MCCC1: variants seen among roughly 807,000 people sequenced by gnomAD.
MCCC1 encodes the protein methylcrotonyl-CoA carboxylase subunit 1.
In MCCC1, 64 loss-of-function variants were observed where a neutral mutation model predicts 83.8. The ratio of observed to expected loss-of-function variants is 0.76; its 90% CI spans 0.62 to 0.94. The LOEUF is 0.94. MCCC1 is among the 40% of genes least tolerant of loss of function. The pLI, the probability that MCCC1 is intolerant of heterozygous loss-of-function variation, is 0.00. For synonymous variants in MCCC1, 322 were observed against 315.4 expected (o/e 1.02, Z -0.22); for missense variants, 807 against 904.7 (o/e 0.89, Z 1.39).
intron 9 of MCCC1, among the ~76,000 whole-genome samples, chr3:183,051,539 C>A (rs1714977372): frequency 6.6e-6 from 1 of 152,024 alleles, no homozygotes; most frequent in Non-Finnish European, 1.5e-5. Flanking sequence ...ATAGACAGAG[C>A]ACAGAGGATA....
chr3:183,107,816 C>T (rs899700355), intron 1 of MCCC1, among the ~76,000 whole-genome samples: 6 of 152,078 alleles, frequency 3.9e-5, no homozygotes, highest in African/African-American at 1.2e-4. Flanking sequence ...TCCCAAAGTG[C>T]TGGGATTACA....
chr3:183,103,112 C>A (rs529281919), upstream of MCCC1, among the ~76,000 whole-genome samples: 13 of 152,050 alleles, frequency 8.5e-5, no homozygotes, highest in Admixed American at 3.3e-4. Context: ...TGGATGTGTT[C>A]GGAGTTTTTT....
At chr3:183,095,702 T>C (rs1718688772) in intron 1 of MCCC1, among the ~76,000 whole-genome samples, 1 of 152,186 alleles carries the variant, frequency 6.6e-6, no homozygotes, top group African/African-American at 2.4e-5. Context: ...TAAGAATCAA[T>C]TTCCACCCTT....
chr3:183,023,982 G>A (rs1005569605), intron 15 of MCCC1, among the ~76,000 whole-genome samples: 2 of 152,164 alleles, frequency 1.3e-5, no homozygotes, highest in Admixed American at 1.3e-4. Context: ...CAGGCGTGGT[G>A]GCTCACGCCT....
In MCCC1 at chr3:183,036,244, C is replaced by A. The variant is rs372060676; in HGVS notation, c.1594+974G>T. ...GCATATGTGTGGTAGCCAGGATGAA[C>A]CCCACTATGGCCCTTCCTATGCTTG... On this transcript the variant is annotated intron_variant, in intron 13 of 18. Transcript: ENST00000265594. 8.0e-4 allele frequency among the ~76,000 whole-genome samples: 121 copies of A among 152,152 alleles called. No individual in the cohort carries two copies. The Middle Eastern group carries it at 0.017, about 21-fold the overall frequency.
chr3:183,075,526 T>C (rs1349118701), intron 4 of MCCC1, among the ~76,000 whole-genome samples: 3 of 148,442 alleles, frequency 2.0e-5, no homozygotes, highest in African/African-American at 7.5e-5. Flanking sequence ...GAGAAGTGCC[T>C]GTTCATGTCC....
chr3:183,040,251 A>G (rs572839200), intron 11 of MCCC1, among the ~76,000 whole-genome samples: 1 of 152,028 alleles, frequency 6.6e-6, no homozygotes, highest in Admixed American at 6.6e-5. Context: ...TTTTAAGAAG[A>G]TCTAAATCCT....
At chr3:183,052,085 GTGT>G (rs1333645376) in intron 9 of MCCC1, 71 bp downstream of exon 9, 5 of 1,378,254 alleles carry the variant, frequency 3.6e-6, no homozygotes, top group Non-Finnish European at 5.2e-6. Flanking sequence ...TTTAAAAGTT[GTGT>G]TTCTCTTGCC....
chr3:183,042,080 G>A (rs1714136126), intron 10 of MCCC1, among the ~76,000 whole-genome samples: 1 of 152,054 alleles, frequency 6.6e-6, no homozygotes, highest in South Asian at 2.1e-4. Flanking sequence ...CACACTCTCA[G>A]TTTTCATTTA....
intron 3 of MCCC1, among the ~76,000 whole-genome samples, chr3:183,090,077 G>A (rs1718205509): frequency 6.6e-6 from 1 of 152,168 alleles, no homozygotes; most frequent in Admixed American, 6.5e-5. Flanking sequence ...AGAGGGCCAA[G>A]GACCAAGTCC....
intron 1 of MCCC1, among the ~76,000 whole-genome samples, chr3:183,107,362 C>T (rs1486360197): frequency 4.7e-5 from 7 of 149,494 alleles, no homozygotes; most frequent in East Asian, 2.0e-4. Context: ...GAGCTGAGAT[C>T]GTGCCTTTGC....
upstream of MCCC1, chr3:183,099,574 T>G (rs1453500850): frequency 3.7e-6 from 4 of 1,067,230 alleles, no homozygotes; most frequent in Middle Eastern, 2.0e-4. Context: ...ACCTTTGGGC[T>G]GATCCAAGAA....
At chr3:183,032,944 C>T (rs1298884895) in intron 14 of MCCC1, among the ~76,000 whole-genome samples, 2 of 151,928 alleles carry the variant, frequency 1.3e-5, no homozygotes, top group African/African-American at 4.8e-5. Context: ...AGATTTTCCT[C>T]TGTCCAAGGA....
intron 7 of MCCC1, among the ~76,000 whole-genome samples, chr3:183,059,791 T>C (rs1715689468): frequency 6.6e-6 from 1 of 152,222 alleles, no homozygotes; most frequent in Non-Finnish European, 1.5e-5. Context: ...ACTAGGTTAG[T>C]AGTTTTTCTC....
chr3:183,087,727 T>C (rs1717998502), intron 3 of MCCC1, among the ~76,000 whole-genome samples: 1 of 151,664 alleles, frequency 6.6e-6, no homozygotes, highest in South Asian at 2.1e-4. Flanking sequence ...AAAAATTAGC[T>C]GGGCGTGGTG....
chr3:183,058,459 T>A (rs904336854), intron 7 of MCCC1, among the ~76,000 whole-genome samples: 6 of 151,664 alleles, frequency 4.0e-5, no homozygotes, highest in Non-Finnish European at 5.9e-5. Flanking sequence ...CTAAAAAAAA[T>A]TTTTTTTTAT....
In MCCC1 at chr3:183,037,381, TG is replaced by T; in HGVS notation, c.1430del (p.Pro477GlnfsTer46). 1.2e-6 allele frequency: 2 copies of T among 1,614,180 alleles called. No individual in the cohort carries two copies. The highest frequency in any genetic ancestry group is 1.7e-6 in the Non-Finnish European group (2 of 1,180,044). On this transcript the variant is annotated frameshift_variant, in exon 13 of 19. Transcript: ENST00000265594. LOFTEE classifies it high-confidence loss of function. ...TGTGCACGTTCCCAGCTTCAAACTC[TG>T]GGTGGCCAGACAGGTTGAGTAAGAA... is the stretch of plus-strand genomic sequence containing the variant. ...IDFLLNLSGH[P>X]EFEAGNVHTD...
chr3:183,026,824 G>A (rs1447530523), intron 14 of MCCC1, among the ~76,000 whole-genome samples: 1 of 152,182 alleles, frequency 6.6e-6, no homozygotes, highest in Non-Finnish European at 1.5e-5. Context: ...TTGATTTTCT[G>A]AGCCATTAAA....
chr3:183,046,038 T>C lies in MCCC1; in HGVS notation c.956-498A>G, dbSNP rs150580999. Among the ~76,000 whole-genome samples the C allele has an allele frequency of 1.3e-3, 192 of 152,368 alleles. 1 individual carries two copies. The highest frequency in any genetic ancestry group is 4.4e-3 in the African/African-American group (183 of 41,594). ...TATCTATTGGCATTCTATTAAGCTC[T>C]AAAAAATTTCCCCTAACTTTATTAA... On this transcript the variant is annotated intron_variant, in intron 9 of 18. Transcript: ENST00000265594.
Sources: allele counts gnomAD v4.1 joint callset (sites outside exome capture counted in the v4.1 genomes callset), GRCh38; gene constraint gnomAD v4.1.1; transcripts MANE v1.5; gene names NCBI Gene and HGNC (gene_info 2026-07-23, HGNC 2026-07-21).